The following MCF2L2 variants were observed in gnomAD, a reference collection of about 807,000 sequenced individuals.
MCF2L2 encodes probable guanine nucleotide exchange factor MCF2L2.
Under a neutral mutation model 150.2 loss-of-function variants are expected in MCF2L2, and 102 were observed. The observed-to-expected ratio is 0.68, with a 90% CI of 0.58 to 0.80. MCF2L2 has a LOEUF of 0.80. Ranked by LOEUF, MCF2L2 falls within the 30% of genes least tolerant of loss-of-function variation. The pLI is 0.00. For missense variants in MCF2L2, 1,256 were observed against 1,372.8 expected (o/e 0.91, Z 1.34); for synonymous variants, 465 against 491.3 (o/e 0.95, Z 0.71).
intron 27 of MCF2L2, among the ~76,000 whole-genome samples, chr3:183,186,995 T>C (rs1248178772): frequency 6.6e-6 from 1 of 152,238 alleles, no homozygotes; most frequent in Non-Finnish European, 1.5e-5. Context: ...ACTCCTTTAA[T>C]AATCAGAAAA....
At chr3:183,296,819 G>A (rs79130677) in intron 12 of MCF2L2, 157 bp downstream of exon 12, 27,301 of 677,646 alleles carry the variant, frequency 0.04, 702 homozygotes, top group Non-Finnish European at 0.051. Flanking sequence ...CGTTCAGGCC[G>A]AGAGTCTAAG....
chr3:183,398,379 G>T (rs1441565666), intron 1 of MCF2L2, among the ~76,000 whole-genome samples: 2 of 152,080 alleles, frequency 1.3e-5, no homozygotes, highest in African/African-American at 2.4e-5. Flanking sequence ...AGGCAGCCAG[G>T]GTCCCTAAAA....
chr3:183,297,401 A>G, intron 11 of MCF2L2: 1 of 480,408 alleles, frequency 2.1e-6, no homozygotes. Flanking sequence ...TCGGTCAGCA[A>G]AATGAGTCTC....
intron 3 of MCF2L2, among the ~76,000 whole-genome samples, chr3:183,357,282 A>G (rs992761096): frequency 6.6e-6 from 1 of 152,220 alleles, no homozygotes; most frequent in Non-Finnish European, 1.5e-5. Flanking sequence ...AACATTTTTA[A>G]AAAAACAAGC....
At chr3:183,386,262 T>C (rs112644908) in intron 2 of MCF2L2, among the ~76,000 whole-genome samples, 8 of 152,370 alleles carry the variant, frequency 5.3e-5, no homozygotes, top group Admixed American at 1.3e-4. Context: ...AACCTGCTTA[T>C]ACTCTCTTGT....
chr3:183,320,787 C>A (rs1467569164), intron 6 of MCF2L2, among the ~76,000 whole-genome samples: 1 of 152,192 alleles, frequency 6.6e-6, no homozygotes, highest in African/African-American at 2.4e-5. Flanking sequence ...GGCGAACTGG[C>A]TAGGCTAAGA....
intron 13 of MCF2L2, among the ~76,000 whole-genome samples, chr3:183,292,333 T>C (rs1369792355): frequency 6.6e-6 from 1 of 151,994 alleles, no homozygotes; most frequent in Non-Finnish European, 1.5e-5. Flanking sequence ...GGCAGGAGGA[T>C]AGCTTGAGCC....
intron 15 of MCF2L2, chr3:183,272,879 C>A: frequency 7.7e-7 from 1 of 1,303,840 alleles, no homozygotes; most frequent in Non-Finnish European, 9.8e-7. Context: ...TACAGCAGTG[C>A]TTTTGTGAAA....
chr3:183,199,701 C>T (rs1448057492), intron 25 of MCF2L2, among the ~76,000 whole-genome samples: 1 of 151,120 alleles, frequency 6.6e-6, no homozygotes, highest in Non-Finnish European at 1.5e-5. Context: ...TATACATGTG[C>T]CATGTTGGTG....
rs1205199167 is a variant in MCF2L2 at position 183,290,509 on chromosome 3, C to A, written c.1676-1289G>T. Among the ~76,000 whole-genome samples, 8 of 152,170 alleles carry A rather than the reference C, an allele frequency of 5.3e-5. No individual in the cohort carries two copies. In the East Asian group the frequency reaches 1.5e-3, roughly 29 times the overall value. On this transcript the variant is annotated intron_variant, in intron 13 of 29. Transcript: ENST00000328913. ...AACTCACAGGAGACATGATTAATCC[C>A]AGGCAGGATTTGAGCATTTCTTTCT...
At chr3:183,217,852 A>G (rs1408427298) in intron 21 of MCF2L2, among the ~76,000 whole-genome samples, 1 of 152,112 alleles carries the variant, frequency 6.6e-6, no homozygotes, top group African/African-American at 2.4e-5. Flanking sequence ...AAAGAGACCA[A>G]TGTTCCAATT....
chr3:183,224,254 T>C (rs1388752089), intron 18 of MCF2L2, 64 bp from the exon 19 acceptor site: 2 of 1,031,432 alleles, frequency 1.9e-6, no homozygotes, highest in South Asian at 2.6e-5. Flanking sequence ...GACAGGATGA[T>C]ACAGTTTATT....
chr3:183,335,522 G>A (rs897556961), intron 5 of MCF2L2, among the ~76,000 whole-genome samples: 1 of 152,092 alleles, frequency 6.6e-6, no homozygotes, highest in African/African-American at 2.4e-5. Flanking sequence ...GCTAGGAGGT[G>A]ATTAGGTTAT....
intron 15 of MCF2L2, among the ~76,000 whole-genome samples, chr3:183,246,192 G>C (rs1724245019): frequency 6.6e-6 from 1 of 152,100 alleles, no homozygotes; most frequent in Non-Finnish European, 1.5e-5. Context: ...ATTGTGGTAA[G>C]ATATGCATAA....
At chr3:183,366,035 A>G (rs9881651) in intron 3 of MCF2L2, among the ~76,000 whole-genome samples, 47,892 of 151,912 alleles carry the variant, frequency 0.32, 11,541 homozygotes, top group African/African-American at 0.67. Context: ...AATAGAGTTG[A>G]AGGGGAGAAA....
intron 13 of MCF2L2, 75 bp downstream of exon 13, chr3:183,295,225 A>G (rs1728426851): frequency 7.0e-7 from 1 of 1,432,066 alleles, no homozygotes; most frequent in Admixed American, 2.2e-5. Context: ...TATCCATTGT[A>G]GACAACCAGT....
At chr3:183,349,005 T>A (rs936059572) in intron 3 of MCF2L2, among the ~76,000 whole-genome samples, 1 of 152,160 alleles carries the variant, frequency 6.6e-6, no homozygotes, top group Non-Finnish European at 1.5e-5. Context: ...GAACACAACA[T>A]CTAGCAATGC....
At chr3:183,426,308 C>A (rs973854330) in intron 1 of MCF2L2, among the ~76,000 whole-genome samples, 1 of 152,206 alleles carries the variant, frequency 6.6e-6, no homozygotes, top group Non-Finnish European at 1.5e-5. Flanking sequence ...CCTTTAAAAT[C>A]ATCCAGGTCA....
At chr3:183,417,610 T>C (rs934887854) in intron 1 of MCF2L2, among the ~76,000 whole-genome samples, 2 of 152,242 alleles carry the variant, frequency 1.3e-5, no homozygotes, top group African/African-American at 2.4e-5. Flanking sequence ...TTAGTATTCC[T>C]TAAAAGGTAG....
Sources: allele counts gnomAD v4.1 joint callset (sites outside exome capture counted in the v4.1 genomes callset), GRCh38; gene constraint gnomAD v4.1.1; transcripts MANE v1.5; gene names NCBI Gene and HGNC (gene_info 2026-07-23, HGNC 2026-07-21).